The following KLF5 variants were observed in gnomAD, a reference collection of about 807,000 sequenced individuals.
KLF5 encodes the protein Krueppel-like factor 5.
In KLF5, 9 loss-of-function variants were observed where a neutral mutation model predicts 36.9. The observed-to-expected ratio is 0.24, with a 90% CI of 0.15 to 0.43. The LOEUF (loss-of-function observed/expected upper bound fraction) is 0.43, where lower values mean the gene tolerates loss of function less well. Among genes scored for constraint, KLF5 ranks in the 20% least tolerant of loss-of-function variants. The pLI, the probability that KLF5 is intolerant of heterozygous loss-of-function variation, is 1.00. For missense variants in KLF5, 524 were observed against 599.5 expected (o/e 0.87, Z 1.31); for synonymous variants, 246 against 241.7 (o/e 1.02, Z -0.17).
Position 73,059,581 on chromosome 13 carries a change from TG to T in KLF5, c.256del (p.Val86SerfsTer11). ...GGCCCGCGGCTGCCTCCAGAGGACCTGGTCCAGGTAGGAAGAGCCGCTCCCC... is the reference window on the plus strand; with the variant it reads ...GGCCCGCGGCTGCCTCCAGAGGACCTGTCCAGGTAGGAAGAGCCGCTCCCC... The part of the protein sequence containing the change: ...ATGPRLPPED[L>X]VQTRCEMEKY... On this transcript the variant is annotated frameshift_variant, in exon 1 of 4. Coordinates refer to ENST00000377687, the MANE Select transcript of KLF5 (RefSeq NM_001730.5). LOFTEE classifies it high-confidence loss of function. 8.6e-7 allele frequency: 1 copy of T among 1,162,058 alleles called. No homozygotes were observed. The highest frequency in any genetic ancestry group is 1.1e-6 in the Non-Finnish European group (1 of 945,776). The allele number at this position is 1,162,058 out of a possible 1,614,324, so 72.0% of individuals were successfully genotyped here.
intron 3 of KLF5, among the ~76,000 whole-genome samples, chr13:73,064,385 A>G (rs1452196415): frequency 6.6e-6 from 1 of 152,186 alleles, no homozygotes; most frequent in African/African-American, 2.4e-5. Flanking sequence ...TAGTGCTGAA[A>G]TTGCAGTGTT....
At position 73,076,096 on chromosome 13, in the gene KLF5, A is replaced by G. The variant is rs1414941494; in HGVS notation, c.*210A>G. Reference sequence around the variant, plus strand: ...TTTAAGAATCTGGAATGCTTGCTGTAATGTATATGGCTTTACTCAAGCAGA... The same window carrying G: ...TTTAAGAATCTGGAATGCTTGCTGTGATGTATATGGCTTTACTCAAGCAGA... On this transcript the variant is annotated 3_prime_UTR_variant, in exon 4 of 4. Coordinates refer to ENST00000377687, the MANE Select transcript of KLF5 (RefSeq NM_001730.5). 4 of 463,926 alleles carry G rather than the reference A, an allele frequency of 8.6e-6. No homozygotes were observed. Among genetic ancestry groups the G allele is most frequent in the African/African-American group, 3.9e-5 (2 of 50,872 alleles). 28.7% of individuals were successfully genotyped at this position (463,926 alleles called of 1,614,324 possible).
At chr13:73,074,612 A>C (rs1256541016) in intron 3 of KLF5, among the ~76,000 whole-genome samples, 2 of 152,194 alleles carry the variant, frequency 1.3e-5, no homozygotes, top group Admixed American at 6.5e-5. Context: ...GATTCTTCAC[A>C]AACAGAGAAT....
intron 3 of KLF5, among the ~76,000 whole-genome samples, chr13:73,065,920 T>A (rs2044676004): frequency 6.6e-6 from 1 of 152,204 alleles, no homozygotes; most frequent in African/African-American, 2.4e-5. Context: ...ATTCAGGAAC[T>A]TGACCTGCCG....
intron 3 of KLF5, among the ~76,000 whole-genome samples, chr13:73,072,797 A>G (rs2044731579): frequency 6.6e-6 from 1 of 152,186 alleles, no homozygotes; most frequent in African/African-American, 2.4e-5. Context: ...TATGTTAATG[A>G]CTTTATCAGC....
chr13:73,074,159 T>A (rs1014191946), intron 3 of KLF5, among the ~76,000 whole-genome samples: 2 of 152,216 alleles, frequency 1.3e-5, no homozygotes, highest in African/African-American at 4.8e-5. Context: ...CACTTTCTTC[T>A]TTGTCTGAGA....
chr13:73,055,123 A>G (rs1342474408), upstream of KLF5: 2 of 152,172 alleles, frequency 1.3e-5, no homozygotes, highest in Non-Finnish European at 2.9e-5. Context: ...TATTATACTA[A>G]CAAGGTGGAA....
At chr13:73,067,205 A>G (rs1228366098) in intron 3 of KLF5, among the ~76,000 whole-genome samples, 2 of 152,224 alleles carry the variant, frequency 1.3e-5, no homozygotes, top group African/African-American at 2.4e-5. Context: ...CTATTACTCT[A>G]AAGTTGCTCC....
At chr13:73,057,768 G>A (rs2044593456), upstream of KLF5, among the ~76,000 whole-genome samples, 1 of 152,142 alleles carries the variant, frequency 6.6e-6, no homozygotes, top group Admixed American at 6.5e-5. Context: ...GTCAACATAT[G>A]TACATTTGTA....
chr13:73,061,589 T>C (rs1190460196), intron 1 of KLF5, among the ~76,000 whole-genome samples: 2 of 152,204 alleles, frequency 1.3e-5, no homozygotes, highest in East Asian at 1.9e-4. Flanking sequence ...TGTTTTAAGT[T>C]TGCTTTCTTT....
At position 73,059,519 on chromosome 13, in the gene KLF5, C is replaced by G. The variant is rs1321060047; in HGVS notation, c.192C>G (p.Pro64=). 15 of 1,203,982 alleles carry G rather than the reference C, an allele frequency of 1.2e-5. No individual in the cohort carries two copies. Among genetic ancestry groups the G allele is most frequent in the Non-Finnish European group, 1.5e-5 (15 of 973,916 alleles). The allele number at this position is 1,203,982 out of a possible 1,614,324, so 74.6% of individuals were successfully genotyped here. ...AHHRPQAQPA[P]AQAPQPAQPP... ...ACCGCCCGCAGGCGCAGCCCGCGCC[C>G]GCGCAGGCCCCGCAGCCGGCCCAGC... Residue 64 remains proline (P), a synonymous_variant, in exon 1 of 4, where the codon CCC becomes CCG. Coordinates refer to ENST00000377687, the MANE Select transcript of KLF5 (RefSeq NM_001730.5).
At chr13:73,059,625 C>G (rs1193197200) in intron 1 of KLF5, 37 bp downstream of exon 1, 4 of 1,137,932 alleles carry the variant, frequency 3.5e-6, no homozygotes, top group Non-Finnish European at 4.3e-6. Context: ...GCAGCACTCC[C>G]GGGCTCGGGC....
At chr13:73,063,934 T>A in intron 3 of KLF5, 51 bp downstream of exon 3, 1 of 1,172,480 alleles carries the variant, frequency 8.5e-7, no homozygotes, top group Non-Finnish European at 1.3e-6. Context: ...GTGTAAGTGG[T>A]ATTCATCCTT....
Position 73,076,757 on chromosome 13 carries a change from A to G in KLF5, c.*871A>G, listed in dbSNP as rs1340315579. The G allele has an allele frequency of 6.6e-6, 1 of 152,226 alleles. No homozygotes were observed. Among genetic ancestry groups the G allele is most frequent in the Non-Finnish European group, 1.5e-5 (1 of 68,024 alleles). 9.4% of individuals were successfully genotyped at this position (152,226 alleles called of 1,614,324 possible). A position where few individuals can be genotyped will look rare whatever the true frequency, so the allele number is the denominator to read the frequency against. On this transcript the variant is annotated 3_prime_UTR_variant, in exon 4 of 4. Transcript: ENST00000377687. ...AACCTCTTACAATAAGCTAAACGCA[A>G]TGTCATTTTTAAAAAGAAGGACTTA...
intron 3 of KLF5, among the ~76,000 whole-genome samples, chr13:73,065,076 C>T (rs2044669739): frequency 6.6e-6 from 1 of 152,090 alleles, no homozygotes; most frequent in South Asian, 2.1e-4. Flanking sequence ...AATAAGTTTG[C>T]TAATAAAAGC....
rs139182040 is a variant in KLF5 at position 73,062,452 on chromosome 13, A to G, written c.853A>G (p.Thr285Ala). ...ACAATTCCAGGGCATGCCCCCTTGCACATACACAATGCCAAGTCAGTTTCT... is the reference window on the plus strand; with the variant it reads ...ACAATTCCAGGGCATGCCCCCTTGCGCATACACAATGCCAAGTCAGTTTCT... Reference protein sequence around the residue: ...VKQFQGMPPCTYTMPSQFLPQ... With the variant: ...VKQFQGMPPCAYTMPSQFLPQ... The change falls in exon 2 of 4, where the codon ACA becomes GCA. Residue 285 changes from threonine to alanine, a missense_variant. Coordinates refer to ENST00000377687, the MANE Select transcript of KLF5 (RefSeq NM_001730.5). The G allele has an allele frequency of 3.3e-4, 537 of 1,614,012 alleles. No homozygotes were observed. Among genetic ancestry groups the G allele is most frequent in the Non-Finnish European group, 4.3e-4 (503 of 1,180,032 alleles).
At position 73,062,742 on chromosome 13, in the gene KLF5, C is replaced by G. The variant is rs879430382; in HGVS notation, c.1135+8C>G. On this transcript the variant is annotated splice_region_variant and intron_variant, in intron 2 of 3. Transcript: ENST00000377687. Reference sequence around the variant, plus strand: ...ACTACTGCGATTACCCTGGTATGTGCTCTTACCTGGTTGAAGCATCAATAG... The same window carrying G: ...ACTACTGCGATTACCCTGGTATGTGGTCTTACCTGGTTGAAGCATCAATAG... The G allele has an allele frequency of 6.2e-7, 1 of 1,610,028 alleles. No individual in the cohort carries two copies. The highest frequency in any genetic ancestry group is 1.1e-5 in the South Asian group (1 of 90,738).
Position 73,061,932 on chromosome 13 carries a change from G to A in KLF5, c.333G>A (p.Lys111=), listed in dbSNP as rs781311375. Residue 111 remains lysine (K), a synonymous_variant, in exon 2 of 4, where the codon AAG becomes AAA. Coordinates refer to ENST00000377687, the MANE Select transcript of KLF5 (RefSeq NM_001730.5). ...TTCCTATAATTCCAGAGCATAAAAA[G>A]TATAGACGAGACAGTGCCTCAGTCG... ...PPVPIIPEHK[K]YRRDSASVVD... 8.7e-6 allele frequency: 14 copies of A among 1,614,052 alleles called. No individual in the cohort carries two copies. Among genetic ancestry groups the A allele is most frequent in the Non-Finnish European group, 1.2e-5 (14 of 1,179,938 alleles).
At chr13:73,066,068 A>G (rs961270189) in intron 3 of KLF5, among the ~76,000 whole-genome samples, 1 of 152,188 alleles carries the variant, frequency 6.6e-6, no homozygotes, top group East Asian at 1.9e-4. Flanking sequence ...TTCAACATCT[A>G]ATGAATGAGA....
Sources: gnomAD v4.1 joint callset for allele counts (sites outside exome capture counted in the v4.1 genomes callset) on GRCh38, gnomAD v4.1.1 for gene constraint, MANE v1.5 for transcripts, NCBI Gene and HGNC (gene_info 2026-07-23, HGNC 2026-07-21) for gene names.